GADL1: variants seen among roughly 807,000 people sequenced by gnomAD.
GADL1 encodes acidic amino acid decarboxylase GADL1.
Under a neutral mutation model 69.5 loss-of-function variants are expected in GADL1, and 71 were observed. The observed-to-expected ratio is 1.02, with a 90% CI of 0.84 to 1.25. GADL1 has a LOEUF of 1.25. Among genes scored for constraint, GADL1 ranks in the 50% most tolerant of loss-of-function variants. The probability of loss-of-function intolerance (pLI) is 0.00; values close to 1 mark genes in which losing one functional copy is unlikely to be tolerated. For synonymous variants in GADL1, 254 were observed against 214.4 expected (o/e 1.18, Z -1.62); for missense variants, 737 against 631.8 (o/e 1.17, Z -1.79).
rs890867452 is a variant in GADL1 at position 30,863,927 on chromosome 3, C to T, written c.38-2162G>A. On this transcript the variant is annotated intron_variant, in intron 1 of 14. Coordinates refer to ENST00000282538, the MANE Select transcript of GADL1 (RefSeq NM_207359.3). ...AGATAAAAATGTTACAGGAAGATCC[C>T]CCAGTTGGGGAAAGATGGAATCTGC... Among the ~76,000 whole-genome samples, 3 of 152,096 alleles carry T rather than the reference C, an allele frequency of 2.0e-5. No individual in the cohort carries two copies. The East Asian group carries it at 5.8e-4, about 30-fold the overall frequency.
chr3:30,816,175 A>G (rs1429444018), intron 11 of GADL1, among the ~76,000 whole-genome samples: 2 of 152,100 alleles, frequency 1.3e-5, no homozygotes, highest in African/African-American at 4.8e-5. Context: ...AATTTGCGAT[A>G]TGTACTGAAC....
intron 12 of GADL1, among the ~76,000 whole-genome samples, chr3:30,787,541 G>A (rs1371894755): frequency 6.6e-6 from 1 of 152,036 alleles, no homozygotes; most frequent in Non-Finnish European, 1.5e-5. Context: ...TAATAGAGAC[G>A]CTGACAGAAA....
At chr3:30,885,690 T>G (rs1428316346) in intron 1 of GADL1, among the ~76,000 whole-genome samples, 1 of 152,086 alleles carries the variant, frequency 6.6e-6, no homozygotes, top group Non-Finnish European at 1.5e-5. Flanking sequence ...ATATAAACTA[T>G]CTTTCAAACT....
chr3:30,848,552 A>G (rs1698092966), intron 6 of GADL1, among the ~76,000 whole-genome samples: 1 of 117,192 alleles, frequency 8.5e-6, no homozygotes, highest in Non-Finnish European at 1.7e-5. Context: ...GATACCTGAT[A>G]TTATCTCAGA....
intron 14 of GADL1, among the ~76,000 whole-genome samples, chr3:30,769,020 G>T (rs1319679508): frequency 6.6e-6 from 1 of 152,132 alleles, no homozygotes; most frequent in Non-Finnish European, 1.5e-5. Context: ...ACTGCATCAA[G>T]TCCAGAGCAT....
intron 14 of GADL1, among the ~76,000 whole-genome samples, chr3:30,731,915 G>A (rs1002290522): frequency 2.0e-5 from 3 of 152,192 alleles, no homozygotes; most frequent in Non-Finnish European, 4.4e-5. Context: ...GCTGGTAGTA[G>A]TAGTTGTTGT....
At chr3:30,834,755 A>C (rs1400700592) in intron 9 of GADL1, among the ~76,000 whole-genome samples, 1 of 152,058 alleles carries the variant, frequency 6.6e-6, no homozygotes, top group South Asian at 2.1e-4. Context: ...GTTAATGAAA[A>C]ATTAGATCAT....
chr3:30,872,171 C>T (rs1698501628), intron 1 of GADL1, among the ~76,000 whole-genome samples: 1 of 151,836 alleles, frequency 6.6e-6, no homozygotes, highest in South Asian at 2.1e-4. Flanking sequence ...CAATTGGGCT[C>T]CATGAAAAAA....
chr3:30,771,487 A>AGG (rs1244952440), intron 14 of GADL1, among the ~76,000 whole-genome samples: 6 of 152,212 alleles, frequency 3.9e-5, no homozygotes. Flanking sequence ...TATCCAAGTA[A>AGG]GGGGAGCCTC....
At chr3:30,768,496 A>AGG (rs912182088) in intron 14 of GADL1, among the ~76,000 whole-genome samples, 1 of 148,032 alleles carries the variant, frequency 6.8e-6, no homozygotes, top group Non-Finnish European at 1.5e-5. Flanking sequence ...TTATCAATTG[A>AGG]GGGGGAACAA....
chr3:30,783,086 C>T (rs967496321), intron 13 of GADL1, among the ~76,000 whole-genome samples: 8 of 152,176 alleles, frequency 5.3e-5, no homozygotes, highest in Non-Finnish European at 1.2e-4. Flanking sequence ...CACAGGTTGA[C>T]CACCTGTTAA....
At chr3:30,735,656 G>A (rs1050027766) in intron 14 of GADL1, among the ~76,000 whole-genome samples, 4 of 152,188 alleles carry the variant, frequency 2.6e-5, no homozygotes, top group Non-Finnish European at 4.4e-5. Context: ...ACTACAAAGG[G>A]TCAGTCCTAG....
chr3:30,805,734 CTTTTTT>C (rs34788058), intron 11 of GADL1, among the ~76,000 whole-genome samples: 7 of 66,094 alleles, frequency 1.1e-4, no homozygotes, highest in African/African-American at 5.1e-4. Flanking sequence ...AGTCCCCAGC[CTTTTTT>C]TTTTTTTTTT....
chr3:30,859,529 G>C (rs1407410213), intron 2 of GADL1, among the ~76,000 whole-genome samples: 1 of 151,862 alleles, frequency 6.6e-6, no homozygotes, highest in Non-Finnish European at 1.5e-5. Flanking sequence ...ATTGATTAGA[G>C]AGGGGCACAG....
At chr3:30,751,943 T>C (rs1284658043) in intron 14 of GADL1, among the ~76,000 whole-genome samples, 1 of 152,156 alleles carries the variant, frequency 6.6e-6, no homozygotes, top group African/African-American at 2.4e-5. Flanking sequence ...CAAAGGGTAA[T>C]GAGGCTGAAG....
At chr3:30,803,734 T>C (rs182562422) in intron 11 of GADL1, among the ~76,000 whole-genome samples, 107 of 152,338 alleles carry the variant, frequency 7.0e-4, no homozygotes, top group African/African-American at 2.5e-3. Flanking sequence ...AAATAAACTT[T>C]CCTCCCAAAG....
intron 14 of GADL1, among the ~76,000 whole-genome samples, chr3:30,741,014 AT>A (rs1450113997): frequency 3.7e-5 from 4 of 107,002 alleles, no homozygotes; most frequent in East Asian, 3.3e-4. Flanking sequence ...TATATTATAT[AT>A]TATATAATAT....
chr3:30,783,056 G>A (rs1696703467), intron 13 of GADL1, among the ~76,000 whole-genome samples: 1 of 152,210 alleles, frequency 6.6e-6, no homozygotes, highest in African/African-American at 2.4e-5. Flanking sequence ...TGAATTCTCT[G>A]CAAATAGGAA....
intron 14 of GADL1, among the ~76,000 whole-genome samples, chr3:30,771,806 T>C (rs145926331): frequency 6.6e-6 from 1 of 152,272 alleles, no homozygotes; most frequent in Non-Finnish European, 1.5e-5. Context: ...TCAATTAATT[T>C]GTGAACATGT....
Sources: gnomAD v4.1 joint callset for allele counts (sites outside exome capture counted in the v4.1 genomes callset) on GRCh38, gnomAD v4.1.1 for gene constraint, MANE v1.5 for transcripts, NCBI Gene and HGNC (gene_info 2026-07-23, HGNC 2026-07-21) for gene names.